The following MARCHF6 variants were observed in gnomAD, a reference collection of about 807,000 sequenced individuals.
MARCHF6 encodes the protein E3 ubiquitin-protein ligase MARCHF6.
In MARCHF6, 31 loss-of-function variants were observed where a neutral mutation model predicts 133.7. The ratio of observed to expected loss-of-function variants is 0.23; its 90% CI spans 0.17 to 0.31. The LOEUF (loss-of-function observed/expected upper bound fraction) is 0.31. Ranked by LOEUF, MARCHF6 falls within the 10% of genes least tolerant of loss-of-function variation. The pLI, the probability that MARCHF6 is intolerant of heterozygous loss-of-function variation, is 1.00. For synonymous variants in MARCHF6, 395 were observed against 402.5 expected, an observed-to-expected ratio of 0.98 and a Z score of 0.22; for missense variants, 723 against 1,121.6, an observed-to-expected ratio of 0.64 and a Z score of 5.08.
intron 19 of MARCHF6, 22 bp from the exon 20 acceptor site, chr5:10,414,411 C>A (rs763090756): frequency 2.0e-6 from 3 of 1,473,260 alleles, no homozygotes; most frequent in Non-Finnish European, 2.8e-6. Flanking sequence ...TATTTATGCA[C>A]TCCTTATGTT....
chr5:10,361,667 G>C (rs1735835001), intron 1 of MARCHF6, among the ~76,000 whole-genome samples: 1 of 152,162 alleles, frequency 6.6e-6, no homozygotes, highest in South Asian at 2.1e-4. Context: ...GGGGGGAGGG[G>C]CAGTGCAATT....
rs1370725280 is a variant in MARCHF6, at chr5:10,437,791, G to T, written c.*4107G>T. 6.6e-6 allele frequency: 1 copy of T among 152,164 alleles called. No individual in the cohort carries two copies. Among genetic ancestry groups the T allele is most frequent in the South Asian group, 2.1e-4 (1 of 4,830 alleles). The allele number at this position is 152,164 out of a possible 1,614,324, so 9.4% of individuals were successfully genotyped here. A position where few individuals can be genotyped will look rare whatever the true frequency, so the allele number is the denominator to read the frequency against. ...TCTGAAATGCTCCCTTTTTAATGTG[G>T]TCATTTGTTGCCTTCTAAGTTGAGA... On this transcript the variant is annotated 3_prime_UTR_variant, in exon 26 of 26. Coordinates refer to ENST00000274140, the MANE Select transcript of MARCHF6 (RefSeq NM_005885.4).
chr5:10,394,799 A>AT lies in MARCHF6; in HGVS notation c.861+32dup, dbSNP rs201911419. On this transcript the variant is annotated intron_variant, in intron 9 of 25. Coordinates refer to ENST00000274140, the MANE Select transcript of MARCHF6 (RefSeq NM_005885.4). The stretch of plus-strand genomic sequence containing the variant: ...CTAGTTTTTCTGGTAAGTAAAACTA[A>AT]TTTTTTTTTTTTTTTTTTGAGACGG... 0.18 allele frequency: 215,994 copies of AT among 1,192,900 alleles called. 591 individuals carry two copies. The highest frequency in any genetic ancestry group is 0.2 in the African/African-American group (12,210 of 59,840). The allele number at this position is 1,192,900 out of a possible 1,614,324, so 73.9% of individuals were successfully genotyped here. A position where few individuals can be genotyped will look rare whatever the true frequency, so the allele number is the denominator to read the frequency against.
chr5:10,388,076 T>C (rs1351542787), intron 5 of MARCHF6, among the ~76,000 whole-genome samples: 1 of 152,220 alleles, frequency 6.6e-6, no homozygotes, highest in East Asian at 1.9e-4. Context: ...GTAGTTACTT[T>C]ACTATATCTT....
chr5:10,406,465 C>T (rs1053776866), intron 16 of MARCHF6, among the ~76,000 whole-genome samples: 2 of 151,260 alleles, frequency 1.3e-5, no homozygotes, highest in Admixed American at 6.6e-5. Context: ...TCTTGGCTCA[C>T]TGCAACCTTC....
chr5:10,375,722 A>G (rs1736737016), intron 1 of MARCHF6, among the ~76,000 whole-genome samples: 2 of 152,206 alleles, frequency 1.3e-5, no homozygotes, highest in Non-Finnish European at 2.9e-5. Context: ...TGAGTGCACC[A>G]GTTGACACTC....
At chr5:10,373,661 C>G (rs1355588046) in intron 1 of MARCHF6, among the ~76,000 whole-genome samples, 1 of 152,170 alleles carries the variant, frequency 6.6e-6, no homozygotes, top group Non-Finnish European at 1.5e-5. Context: ...TCCTGGAGGG[C>G]AGCGTCCCAC....
intron 5 of MARCHF6, among the ~76,000 whole-genome samples, chr5:10,387,672 T>C (rs1561118616): frequency 1.3e-5 from 2 of 152,060 alleles, no homozygotes; most frequent in Non-Finnish European, 2.9e-5. Context: ...CACAAAAGTT[T>C]TTTTGTTTTG....
At chr5:10,367,382 G>C (rs1736199101) in intron 1 of MARCHF6, among the ~76,000 whole-genome samples, 1 of 152,062 alleles carries the variant, frequency 6.6e-6, no homozygotes, top group African/African-American at 2.4e-5. Flanking sequence ...TGGGTATATG[G>C]GAACTCTGTA....
intron 1 of MARCHF6, among the ~76,000 whole-genome samples, chr5:10,369,114 A>G (rs747002369): frequency 4.5e-4 from 69 of 152,310 alleles, no homozygotes; most frequent in Non-Finnish European, 9.4e-4. Context: ...AATTGTGTTC[A>G]TTGGCTTTCA....
chr5:10,353,961 C>T (rs1334709957), intron 1 of MARCHF6, 44 bp downstream of exon 1: 12 of 1,525,672 alleles, frequency 7.9e-6, no homozygotes, highest in Non-Finnish European at 1.1e-5. Flanking sequence ...CGTCGGCGCC[C>T]GGGTTCGTAC....
intron 7 of MARCHF6, 77 bp from the exon 8 acceptor site, chr5:10,394,005 T>C (rs1296185574): frequency 6.0e-6 from 5 of 833,970 alleles, no homozygotes; most frequent in Non-Finnish European, 8.9e-6. Context: ...AATTTTACTA[T>C]TTTTAGTGCA....
rs1207313292 is a variant in MARCHF6 at position 10,436,208 on chromosome 5, T to C, written c.*2524T>C. 1 of 152,204 alleles carries C rather than the reference T, an allele frequency of 6.6e-6. No homozygotes were observed. Among genetic ancestry groups the C allele is most frequent in the Non-Finnish European group, 1.5e-5 (1 of 68,036 alleles). The allele number at this position is 152,204 out of a possible 1,614,324, so 9.4% of individuals were successfully genotyped here. On this transcript the variant is annotated 3_prime_UTR_variant, in exon 26 of 26. Transcript: ENST00000274140. ...ATTTTAAATGAATCTTATCAATGTT[T>C]TGTAAACAAACAATATGAATGGCCA...
intron 1 of MARCHF6, among the ~76,000 whole-genome samples, chr5:10,356,834 T>TA (rs759682365): frequency 5.3e-5 from 8 of 152,210 alleles, no homozygotes; most frequent in Non-Finnish European, 8.8e-5. Context: ...TGGTACCATA[T>TA]ATGATAGTCT....
intron 22 of MARCHF6, chr5:10,421,951 A>G (rs748258995): frequency 1.3e-5 from 2 of 152,252 alleles, no homozygotes; most frequent in African/African-American, 2.4e-5. Context: ...AGCCGCAGAA[A>G]GGAAGTTAAG....
rs1339655622 is a variant in MARCHF6 at position 10,428,697 on chromosome 5, C to CCT, written c.2507-1196_2507-1195insCT. Reference sequence around the variant, plus strand: ...ATTAAATTATTTTGACTCTTTAGAACAATCTCTTTACTGGTTTTGTCTAGA... The same window carrying CCT: ...ATTAAATTATTTTGACTCTTTAGAACCTAATCTCTTTACTGGTTTTGTCTAGA... On this transcript the variant is annotated intron_variant, in intron 24 of 25. Transcript: ENST00000274140. 5.3e-5 allele frequency among the ~76,000 whole-genome samples: 8 copies of CCT among 152,272 alleles called. No homozygotes were observed. In the South Asian group the frequency reaches 1.2e-3, roughly 24 times the overall value.
chr5:10,390,533 A>AG, intron 6 of MARCHF6, 33 bp downstream of exon 6: 1 of 1,591,586 alleles, frequency 6.3e-7, no homozygotes, highest in South Asian at 1.1e-5. Flanking sequence ...GATTTTACTT[A>AG]GGTAGGTCAT....
chr5:10,409,401 A>G (rs1739095370), intron 17 of MARCHF6, among the ~76,000 whole-genome samples: 1 of 152,220 alleles, frequency 6.6e-6, no homozygotes, highest in Admixed American at 6.5e-5. Context: ...GGATCCCTGA[A>G]GGCAGAATAT....
chr5:10,401,134 T>A (rs1265271213), intron 11 of MARCHF6: 1 of 307,702 alleles, frequency 3.2e-6, no homozygotes, highest in East Asian at 5.9e-5. Context: ...AGAACCTGTA[T>A]GTTCTCTTCT....
Sources: allele counts gnomAD v4.1 joint callset (sites outside exome capture counted in the v4.1 genomes callset), GRCh38; gene constraint gnomAD v4.1.1; transcripts MANE v1.5; gene names NCBI Gene and HGNC (gene_info 2026-07-23, HGNC 2026-07-21).